The following USP33 variants were observed in gnomAD, a reference collection of about 807,000 sequenced individuals.
The protein encoded by USP33 is ubiquitin specific peptidase 33, also known as ubiquitin carboxyl-terminal hydrolase 33.
In USP33, 46 loss-of-function variants were observed where a neutral mutation model predicts 124.2. The ratio of observed to expected loss-of-function variants is 0.37; its 90% CI spans 0.29 to 0.47. The LOEUF is 0.47. USP33 is among the 20% of genes least tolerant of loss of function. The pLI, the probability that USP33 is intolerant of heterozygous loss-of-function variation, is 0.99. For missense variants in USP33, 851 were observed against 1,070.6 expected (o/e 0.79, Z 2.86); for synonymous variants, 350 against 352.3 (o/e 0.99, Z 0.07).
At chr1:77,748,423 C>A (rs1043571043) in intron 1 of USP33, among the ~76,000 whole-genome samples, 5 of 152,040 alleles carry the variant, frequency 3.3e-5, no homozygotes, top group African/African-American at 1.2e-4. Context: ...GTAATCCCAG[C>A]AATTTGGGAG....
At chr1:77,717,745 A>C in intron 17 of USP33, 122 bp downstream of exon 17, 1 of 856,534 alleles carries the variant, frequency 1.2e-6, no homozygotes, top group Admixed American at 3.6e-5. Context: ...CCTGGCTTTA[A>C]TTAAGTGATT....
intron 21 of USP33, 125 bp from the exon 22 acceptor site, chr1:77,701,596 T>C (rs541858941): frequency 7.0e-6 from 5 of 710,396 alleles, no homozygotes; most frequent in South Asian, 1.7e-5. Flanking sequence ...GAGGAGTCCT[T>C]GAACCCAGGA....
intron 1 of USP33, among the ~76,000 whole-genome samples, chr1:77,746,148 GAAGAAAA>G (rs1365276342): frequency 2.0e-5 from 3 of 152,060 alleles, no homozygotes; most frequent in African/African-American, 7.2e-5. Context: ...GACTAATAAA[GAAGAAAA>G]GAGAGAAGAA....
At chr1:77,744,734 A>T (rs2101573657) in intron 1 of USP33, among the ~76,000 whole-genome samples, 1 of 152,212 alleles carries the variant, frequency 6.6e-6, no homozygotes, top group East Asian at 1.9e-4. Context: ...AGTCCCACCT[A>T]CTCACGAGGC....
chr1:77,736,885 G>C (rs1678526414), intron 5 of USP33, among the ~76,000 whole-genome samples: 1 of 152,016 alleles, frequency 6.6e-6, no homozygotes, highest in South Asian at 2.1e-4. Flanking sequence ...TGGGATTACA[G>C]GTGTGAGACA....
At chr1:77,759,197 A>G (rs1026294886) in intron 1 of USP33, among the ~76,000 whole-genome samples, 1 of 152,120 alleles carries the variant, frequency 6.6e-6, no homozygotes, top group Non-Finnish European at 1.5e-5. Context: ...ACAACAAACA[A>G]CGGGGCCGGC....
chr1:77,716,868 C>CT (rs202208218), intron 17 of USP33, among the ~76,000 whole-genome samples: 5,756 of 142,588 alleles, frequency 0.04, 164 homozygotes, highest in East Asian at 0.15. Flanking sequence ...TCTTTTTTTT[C>CT]TTTTTTTTTT....
intron 5 of USP33, 64 bp downstream of exon 5, chr1:77,739,201 T>C (rs1362135179): frequency 1.9e-6 from 3 of 1,539,282 alleles, no homozygotes; most frequent in East Asian, 2.3e-5. Flanking sequence ...TTCAGCTACA[T>C]GACAAATTCT....
chr1:77,746,880 CA>C (rs1679795396), intron 1 of USP33, among the ~76,000 whole-genome samples: 1 of 152,288 alleles, frequency 6.6e-6, no homozygotes, highest in East Asian at 1.9e-4. Context: ...GGACATATCT[CA>C]AAATAATAAG....
chr1:77,741,902 T>G (rs1679166647), intron 1 of USP33, among the ~76,000 whole-genome samples, 154 bp from the exon 2 acceptor site: 1 of 152,122 alleles, frequency 6.6e-6, no homozygotes, highest in South Asian at 2.1e-4. Context: ...AAGAGTGTAT[T>G]CTCAAACATA....
At chr1:77,757,669 T>TC (rs1680923680) in intron 1 of USP33, among the ~76,000 whole-genome samples, 1 of 152,220 alleles carries the variant, frequency 6.6e-6, no homozygotes, top group African/African-American at 2.4e-5. Flanking sequence ...TTGTGAAGAG[T>TC]CCACAGTCTT....
At chr1:77,721,089 GCAAATTTAACTCCA>G in intron 15 of USP33, 69 bp downstream of exon 15, 1 of 1,473,090 alleles carries the variant, frequency 6.8e-7, no homozygotes, top group Non-Finnish European at 9.4e-7. Flanking sequence ...AAATACAGTG[GCAAATTTAACTCCA>G]CATACCCAAT....
intron 1 of USP33, among the ~76,000 whole-genome samples, chr1:77,747,879 T>C (rs913314346): frequency 6.6e-6 from 1 of 152,208 alleles, no homozygotes. Context: ...CCATTTCCCA[T>C]TGAACTGTAA....
intron 21 of USP33, among the ~76,000 whole-genome samples, chr1:77,704,517 A>T (rs1197046051): frequency 6.6e-6 from 1 of 152,212 alleles, no homozygotes; most frequent in Non-Finnish European, 1.5e-5. Flanking sequence ...CAGTTACCTC[A>T]TTAATTTAAG....
chr1:77,747,634 T>C (rs895990078), intron 1 of USP33, among the ~76,000 whole-genome samples: 2 of 152,206 alleles, frequency 1.3e-5, no homozygotes, highest in African/African-American at 4.8e-5. Context: ...TGGTATCCTT[T>C]ACCATTAAAA....
At chr1:77,701,610 C>G in intron 21 of USP33, 139 bp from the exon 22 acceptor site, 1 of 639,406 alleles carries the variant, frequency 1.6e-6, no homozygotes. Flanking sequence ...CCCAGGAGTT[C>G]CAAACCAGTC....
At chr1:77,727,352 G>T (rs1677288494) in intron 10 of USP33, among the ~76,000 whole-genome samples, 1 of 152,140 alleles carries the variant, frequency 6.6e-6, no homozygotes, top group Non-Finnish European at 1.5e-5. Flanking sequence ...TCCCTAATCA[G>T]GCTTAACTGG....
At chr1:77,698,674 G>C (rs1673680931) in intron 22 of USP33, among the ~76,000 whole-genome samples, 1 of 150,718 alleles carries the variant, frequency 6.6e-6, no homozygotes, top group Non-Finnish European at 1.5e-5. Context: ...CTAATTTTTT[G>C]TATTTTTAGT....
chr1:77,724,780 G>A (rs912434177), intron 11 of USP33, among the ~76,000 whole-genome samples: 4 of 152,016 alleles, frequency 2.6e-5, no homozygotes, highest in Admixed American at 6.6e-5. Flanking sequence ...ATATTAGGCC[G>A]GGCATGGTGG....
Sources: gnomAD v4.1 joint callset for allele counts (sites outside exome capture counted in the v4.1 genomes callset) on GRCh38, gnomAD v4.1.1 for gene constraint, MANE v1.5 for transcripts, NCBI Gene and HGNC (gene_info 2026-07-23, HGNC 2026-07-21) for gene names.